PLEKHA3: variants seen among roughly 807,000 people sequenced by gnomAD.
The protein encoded by PLEKHA3 is pleckstrin homology domain containing A3.
PLEKHA3 carries 19 observed loss-of-function variants against 39.2 expected under a neutral mutation model. That is an observed-to-expected ratio of 0.48 (90% CI 0.34 to 0.71). PLEKHA3 has a LOEUF of 0.71. Among genes scored for constraint, PLEKHA3 ranks in the 30% least tolerant of loss-of-function variants. PLEKHA3 has a pLI of 0.01. For missense variants in PLEKHA3, 253 were observed against 359.5 expected, an observed-to-expected ratio of 0.70 and a Z score of 2.40; for synonymous variants, 97 against 118.6, an observed-to-expected ratio of 0.82 and a Z score of 1.18.
At chr2:178,499,827 C>G (rs1411898737) in intron 6 of PLEKHA3, among the ~76,000 whole-genome samples, 1 of 152,136 alleles carries the variant, frequency 6.6e-6, no homozygotes, top group Non-Finnish European at 1.5e-5. Context: ...CGATGGATTT[C>G]TCAGAATGCA....
chr2:178,493,765 C>A, intron 3 of PLEKHA3, 88 bp from the exon 4 acceptor site: 2 of 1,181,928 alleles, frequency 1.7e-6, no homozygotes, highest in South Asian at 1.6e-5. Flanking sequence ...TATTTATATT[C>A]ATTGCTTTTT....
chr2:178,483,796 C>T (rs1685209423), intron 1 of PLEKHA3, among the ~76,000 whole-genome samples: 1 of 152,214 alleles, frequency 6.6e-6, no homozygotes, highest in Non-Finnish European at 1.5e-5. Flanking sequence ...TAGGAAATAT[C>T]TGCAGGGTGT....
chr2:178,484,732 TAGTC>T (rs1478658353), intron 1 of PLEKHA3, among the ~76,000 whole-genome samples: 1 of 152,238 alleles, frequency 6.6e-6, no homozygotes, highest in Admixed American at 6.5e-5. Context: ...ACCATGTTAA[TAGTC>T]AGTGAACTGT....
rs146883639 is a variant in PLEKHA3, at chr2:178,502,827, C to T, written c.776-933C>T. The stretch of plus-strand genomic sequence containing the variant: ...ACACACGCACGCACACACACACACG[C>T]GCATACATATAGTTCACTTCTCTAG... On this transcript the variant is annotated intron_variant, in intron 7 of 7. Transcript: ENST00000234453. Among the ~76,000 whole-genome samples, 99 of 151,664 alleles carry T rather than the reference C, an allele frequency of 6.5e-4. 1 individual carries two copies. The highest frequency in any genetic ancestry group is 3.4e-3 in the Middle Eastern group (1 of 294).
intron 3 of PLEKHA3, among the ~76,000 whole-genome samples, chr2:178,493,299 A>C (rs975374367): frequency 6.6e-6 from 1 of 152,242 alleles, no homozygotes; most frequent in Non-Finnish European, 1.5e-5. Context: ...AAGAAAATAA[A>C]TGAATGTTTA....
At chr2:178,496,080 G>A (rs918525403) in intron 5 of PLEKHA3, among the ~76,000 whole-genome samples, 3 of 152,158 alleles carry the variant, frequency 2.0e-5, no homozygotes, top group Non-Finnish European at 4.4e-5. Context: ...AACATATTCC[G>A]GTGGGAACGG....
At position 178,493,966 on chromosome 2, in the gene PLEKHA3, A is replaced by G. The variant is rs762233786; in HGVS notation, c.427A>G (p.Asn143Asp). The change falls in exon 4 of 8, where the codon AAT becomes GAT. Residue 143 changes from asparagine to aspartate, a missense_variant. Asn to Asp is a conservative substitution (Grantham distance 23). This residue lies in a region of PLEKHA3 where 126 missense variants were observed against 222.7 expected (regional missense o/e 0.57). Transcript: ENST00000234453. The part of the protein sequence containing the change: ...TIQEFVHHDE[N>D]HSSPSAENMN... ...ACAGGAATTTGTTCACCATGATGAG[A>G]ATCATTCATCTCCTAGTGCAGAGGT... 2.5e-6 allele frequency: 4 copies of G among 1,613,964 alleles called. No homozygotes were observed. The South Asian group carries it at 4.4e-5, about 18-fold the overall frequency.
At chr2:178,487,727 A>G (rs1488966964) in intron 2 of PLEKHA3, among the ~76,000 whole-genome samples, 3 of 152,258 alleles carry the variant, frequency 2.0e-5, no homozygotes, top group African/African-American at 7.2e-5. Context: ...TACTGGTGTT[A>G]GCCACTGTGC....
intron 4 of PLEKHA3, among the ~76,000 whole-genome samples, chr2:178,494,467 G>A (rs1378951451): frequency 6.6e-6 from 1 of 151,954 alleles, no homozygotes; most frequent in Non-Finnish European, 1.5e-5. Context: ...CATTCTTCAT[G>A]GTAAAATAGG....
At chr2:178,497,866 T>G (rs1685472126) in intron 5 of PLEKHA3, among the ~76,000 whole-genome samples, 1 of 152,160 alleles carries the variant, frequency 6.6e-6, no homozygotes, top group Admixed American at 6.5e-5. Context: ...ATGCGTATTT[T>G]ACATATAAGA....
In PLEKHA3 at chr2:178,514,565, A is replaced by G. The variant is rs1484323414; in HGVS notation, c.*10678A>G. On this transcript the variant is annotated 3_prime_UTR_variant, in exon 8 of 8. Coordinates refer to ENST00000234453, the MANE Select transcript of PLEKHA3 (RefSeq NM_019091.4). ...GCCTGTCATGTCTTTATTTAGGCTA[A>G]GTGCATATGTATGTATAAGTAATGT... 1 of 152,174 alleles carries G rather than the reference A, an allele frequency of 6.6e-6. No homozygotes were observed. Among genetic ancestry groups the G allele is most frequent in the Non-Finnish European group, 1.5e-5 (1 of 68,036 alleles). The allele number at this position is 152,174 out of a possible 1,614,324, so 9.4% of individuals were successfully genotyped here.
At position 178,513,457 on chromosome 2, in the gene PLEKHA3, A is replaced by C. The variant is rs1321652281; in HGVS notation, c.*9570A>C. The C allele has an allele frequency of 1.3e-5, 2 of 152,160 alleles. No homozygotes were observed. Among genetic ancestry groups the C allele is most frequent in the African/African-American group, 2.4e-5 (1 of 41,424 alleles). 9.4% of individuals were successfully genotyped at this position (152,160 alleles called of 1,614,324 possible). On this transcript the variant is annotated 3_prime_UTR_variant, in exon 8 of 8. Transcript: ENST00000234453. The stretch of plus-strand genomic sequence containing the variant: ...CATTTTCTTTTTAATTCCTCTATGC[A>C]AGGAACTGTGGATTGCTTTTTTCTG...
At chr2:178,495,758 T>C (rs1685431972) in intron 5 of PLEKHA3, 98 bp downstream of exon 5, 3 of 1,329,416 alleles carry the variant, frequency 2.3e-6, no homozygotes, top group Non-Finnish European at 2.1e-6. Flanking sequence ...AAGCAGGCAG[T>C]TGGGGGGCGG....
At chr2:178,489,015 G>A in intron 2 of PLEKHA3, 1 of 449,848 alleles carries the variant, frequency 2.2e-6, no homozygotes, top group Admixed American at 2.7e-5. Flanking sequence ...ATAAATTCTG[G>A]TATGTTTAAA....
chr2:178,486,928 C>T (rs1685259424), intron 2 of PLEKHA3, among the ~76,000 whole-genome samples: 1 of 152,170 alleles, frequency 6.6e-6, no homozygotes, highest in African/African-American at 2.4e-5. Context: ...ATACTTTCAG[C>T]TTTAATAGAT....
Position 178,490,382 on chromosome 2 carries a change from G to A in PLEKHA3, c.158-277G>A, listed in dbSNP as rs149212103. 4.2e-3 allele frequency among the ~76,000 whole-genome samples: 640 copies of A among 152,286 alleles called. 2 individuals are homozygous for A. Among genetic ancestry groups the A allele is most frequent in the African/African-American group, 0.014 (596 of 41,552 alleles). ...ATAGGATAAGTGGCCCCAAGGTGGGGGAGGGCTGTCACTTCTCAGTAGTTA... is the reference window on the plus strand; with the variant it reads ...ATAGGATAAGTGGCCCCAAGGTGGGAGAGGGCTGTCACTTCTCAGTAGTTA... On this transcript the variant is annotated intron_variant, in intron 2 of 7. Transcript: ENST00000234453.
chr2:178,515,630 T>C lies in PLEKHA3; in HGVS notation c.*11743T>C, dbSNP rs1685750416. On this transcript the variant is annotated 3_prime_UTR_variant, in exon 8 of 8. Coordinates refer to ENST00000234453, the MANE Select transcript of PLEKHA3 (RefSeq NM_019091.4). The stretch of plus-strand genomic sequence containing the variant: ...ACATTTATTTACCTCTTTTAAAAAA[T>C]TTCTTCAGTTAATATTCATTGACCA... 1 of 152,166 alleles carries C rather than the reference T, an allele frequency of 6.6e-6. No individual in the cohort carries two copies. The highest frequency in any genetic ancestry group is 1.5e-5 in the Non-Finnish European group (1 of 67,990). The allele number at this position is 152,166 out of a possible 1,614,324, so 9.4% of individuals were successfully genotyped here.
intron 5 of PLEKHA3, among the ~76,000 whole-genome samples, chr2:178,498,981 A>C (rs1032016073): frequency 1.3e-5 from 2 of 152,050 alleles, no homozygotes; most frequent in Non-Finnish European, 2.9e-5. Context: ...AGAATCCAGC[A>C]TGTTTTTGGT....
At chr2:178,494,025 C>T in intron 4 of PLEKHA3, 36 bp downstream of exon 4, 1 of 1,602,752 alleles carries the variant, frequency 6.2e-7, no homozygotes, top group South Asian at 1.1e-5. Context: ...TGTGGTTATG[C>T]TTTGGAGTAC....
Sources: gnomAD v4.1 joint callset for allele counts (sites outside exome capture counted in the v4.1 genomes callset) on GRCh38, gnomAD v4.1.1 for gene constraint, gnomAD v4.1.1 regional missense constraint, MANE v1.5 for transcripts, NCBI Gene and HGNC (gene_info 2026-07-23, HGNC 2026-07-21) for gene names.